The following GOLGA6L9 variants were observed in gnomAD, a reference collection of about 807,000 sequenced individuals.
The protein encoded by GOLGA6L9 is golgin A6 family like 9, also known as golgin subfamily A member 6-like protein 9.
A neutral mutation model predicts 51.3 loss-of-function variants in GOLGA6L9; 19 were observed. The ratio of observed to expected loss-of-function variants is 0.37; its 90% CI spans 0.26 to 0.54. The LOEUF is 0.54. GOLGA6L9 is among the 20% of genes least tolerant of loss of function. The pLI is 0.83. For missense variants in GOLGA6L9, 247 were observed against 464.1 expected (o/e 0.53, Z 4.30); for synonymous variants, 97 against 184.2 (o/e 0.53, Z 3.83).
upstream of GOLGA6L9, among the ~76,000 whole-genome samples, chr15:82,429,505 G>A (rs1201222609): frequency 2.0e-5 from 3 of 152,150 alleles, no homozygotes; most frequent in South Asian, 6.2e-4. Flanking sequence ...CTCTGTTATT[G>A]GAATGTCGGA....
At position 82,434,210 on chromosome 15, in the gene GOLGA6L9, CAGG is replaced by C. The variant is rs1188002398; in HGVS notation, c.616_618del (p.Glu206del). The C allele has an allele frequency of 5.1e-6, 8 of 1,560,490 alleles. No individual in the cohort carries two copies. The African/African-American group carries it at 5.4e-5, about 11-fold the overall frequency. On this transcript the variant is annotated inframe_deletion, in exon 6 of 9. Coordinates refer to ENST00000618348, the MANE Select transcript of GOLGA6L9 (RefSeq NM_198181.4). ...GAGACAGGAGGAGAGGCTACGTGAA[CAGG>C]AGGAGAGGCTACGTGAACAGGAGGA...
At position 82,437,029 on chromosome 15, in the gene GOLGA6L9, A is replaced by G. The variant is rs1256334213; in HGVS notation, c.*618A>G. 4 of 153,344 alleles carry G rather than the reference A, an allele frequency of 2.6e-5. No individual in the cohort carries two copies. The highest frequency in any genetic ancestry group is 9.8e-5 in the African/African-American group (4 of 40,834). The allele number at this position is 153,344 out of a possible 1,614,324, so 9.5% of individuals were successfully genotyped here. ...TCTGTGTATTGGGGATGGGAGTAAT[A>G]ACATTTTGGGGAGGTTTTTAAATCT... On this transcript the variant is annotated 3_prime_UTR_variant, in exon 9 of 9. Coordinates refer to ENST00000618348, the MANE Select transcript of GOLGA6L9 (RefSeq NM_198181.4).
chr15:82,433,979 T>A, intron 5 of GOLGA6L9, 55 bp from the exon 6 acceptor site: 2 of 937,930 alleles, frequency 2.1e-6, no homozygotes, highest in Non-Finnish European at 1.3e-6. Flanking sequence ...AGGGAGGATT[T>A]TTTTTTTTTT....
At chr15:82,418,612 A>G in the GOLGA6L9 span, 2 of 152,228 alleles carry the variant, frequency 1.3e-5, no homozygotes, top group Non-Finnish European at 1.5e-5. Flanking sequence ...TAATTTTCTA[A>G]TGGGAGATTT....
At chr15:82,420,099 T>C in the GOLGA6L9 span, 1 of 369,050 alleles carries the variant, frequency 2.7e-6, no homozygotes, top group Non-Finnish European at 5.4e-6. Context: ...GAATTTTACA[T>C]AAACCATAAG....
Position 82,436,507 on chromosome 15 carries a change from T to A in GOLGA6L9, c.*96T>A. ...TTCATTTGAATGTTAGAGCCACTTA[T>A]GTTTGTGTTTCTAATTTATAGTTTA... On this transcript the variant is annotated 3_prime_UTR_variant, in exon 9 of 9. Coordinates refer to ENST00000618348, the MANE Select transcript of GOLGA6L9 (RefSeq NM_198181.4). 1 of 1,504,526 alleles carries A rather than the reference T, an allele frequency of 6.6e-7. No individual in the cohort carries two copies. 93.2% of individuals were successfully genotyped at this position (1,504,526 alleles called of 1,614,324 possible).
At position 82,434,447 on chromosome 15, in the gene GOLGA6L9, G is replaced by C. The variant is rs1275196539; in HGVS notation, c.847G>C (p.Glu283Gln). 5.2e-6 allele frequency: 8 copies of C among 1,547,938 alleles called. No individual in the cohort carries two copies. In the African/African-American group the frequency reaches 1.1e-4, roughly 21 times the overall value. ...RLLDEVEELL[E>Q]QERLRQQDER... is the part of the protein sequence containing the mutation. ...GCTGGACGAGGTGGAGGAGCTCCTGGAGCAGGAGAGGCTTCGGCAACAGGA... is the reference window on the plus strand; with the variant it reads ...GCTGGACGAGGTGGAGGAGCTCCTGCAGCAGGAGAGGCTTCGGCAACAGGA... The change falls in exon 6 of 9, where the codon GAG becomes CAG. Residue 283 changes from glutamate to glutamine, a missense_variant. Coordinates refer to ENST00000618348, the MANE Select transcript of GOLGA6L9 (RefSeq NM_198181.4).
At chr15:82,433,184 C>T (rs62011157) in intron 4 of GOLGA6L9, among the ~76,000 whole-genome samples, 37,484 of 146,864 alleles carry the variant, frequency 0.26, 6,263 homozygotes, top group East Asian at 0.58. Flanking sequence ...GACTGGTTGT[C>T]AGAGGTCCAT....
At chr15:82,418,422 T>A in the GOLGA6L9 span, among the ~76,000 whole-genome samples, 1 of 152,330 alleles carries the variant, frequency 6.6e-6, no homozygotes, top group East Asian at 1.9e-4. Context: ...ATAGATCTAA[T>A]CAGTGGTCTT....
At chr15:82,419,266 T>C in the GOLGA6L9 span, 2 of 208,608 alleles carry the variant, frequency 9.6e-6, no homozygotes, top group East Asian at 2.2e-4. Context: ...TTTATTATTA[T>C]ACTCAATTTT....
At chr15:82,419,958 A>G in the GOLGA6L9 span, 46 of 336,486 alleles carry the variant, frequency 1.4e-4, no homozygotes, top group Middle Eastern at 1.2e-3. Context: ...TGTGTTCTAG[A>G]GATGTTTTGT....
At chr15:82,417,898 GGAGT>G in the GOLGA6L9 span, among the ~76,000 whole-genome samples, 1 of 152,230 alleles carries the variant, frequency 6.6e-6, no homozygotes, top group African/African-American at 2.4e-5. Context: ...GCAGATTTAA[GGAGT>G]GAGAGAGAGA....
the GOLGA6L9 span, among the ~76,000 whole-genome samples, chr15:82,416,682 C>A: frequency 6.6e-6 from 1 of 152,056 alleles, no homozygotes; most frequent in African/African-American, 2.4e-5. Context: ...ATGTGAAATA[C>A]CAATAAAACA....
the GOLGA6L9 span, chr15:82,415,989 C>T: frequency 3.9e-5 from 6 of 152,078 alleles, no homozygotes; most frequent in Non-Finnish European, 8.8e-5. Context: ...AGATAAACTC[C>T]ATCTGAACAA....
the GOLGA6L9 span, among the ~76,000 whole-genome samples, chr15:82,421,419 A>AC: frequency 6.7e-6 from 1 of 149,832 alleles, no homozygotes; most frequent in Non-Finnish European, 1.5e-5. Flanking sequence ...AGTAGTCTCA[A>AC]CCCAACATAT....
At chr15:82,416,541 T>TG in the GOLGA6L9 span, among the ~76,000 whole-genome samples, 1 of 152,140 alleles carries the variant, frequency 6.6e-6, no homozygotes, top group African/African-American at 2.4e-5. Context: ...GAACCTACAT[T>TG]GGTGTGGTAG....
At chr15:82,417,630 AGT>A in the GOLGA6L9 span, among the ~76,000 whole-genome samples, 1 of 152,234 alleles carries the variant, frequency 6.6e-6, no homozygotes, top group Non-Finnish European at 1.5e-5. Context: ...TTAAAGGAAG[AGT>A]GGGGTACTTT....
At chr15:82,435,050 A>AG in intron 7 of GOLGA6L9, 121 bp downstream of exon 7, 2 of 616,384 alleles carry the variant, frequency 3.2e-6, no homozygotes, top group Non-Finnish European at 5.2e-6. Flanking sequence ...AGGTGACCCC[A>AG]GCACCCTCCG....
In GOLGA6L9 at chr15:82,437,265, TCC is replaced by T. The variant is rs2031728790; in HGVS notation, c.*856_*857del. ...GGATTATTTCTGAGGAATGAAAGGCTCCCATCATGACTGTGGATGTGGAAAAC... is the reference window on the plus strand; with the variant it reads ...GGATTATTTCTGAGGAATGAAAGGCTCATCATGACTGTGGATGTGGAAAAC... On this transcript the variant is annotated 3_prime_UTR_variant, in exon 9 of 9. Coordinates refer to ENST00000618348, the MANE Select transcript of GOLGA6L9 (RefSeq NM_198181.4). 4 of 138,612 alleles carry T rather than the reference TCC, an allele frequency of 2.9e-5. No individual in the cohort carries two copies. Among genetic ancestry groups the T allele is most frequent in the Non-Finnish European group, 6.2e-5 (4 of 64,628 alleles). The allele number at this position is 138,612 out of a possible 1,614,324, so 8.6% of individuals were successfully genotyped here. A position where few individuals can be genotyped will look rare whatever the true frequency, so the allele number is the denominator to read the frequency against.
Sources: gnomAD v4.1 joint callset for allele counts (sites outside exome capture counted in the v4.1 genomes callset) on GRCh38, gnomAD v4.1.1 for gene constraint, MANE v1.5 for transcripts, NCBI Gene and HGNC (gene_info 2026-07-23, HGNC 2026-07-21) for gene names.